TMEM39B: variants seen among roughly 807,000 people sequenced by gnomAD.
TMEM39B encodes transmembrane protein 39B.
TMEM39B carries 23 observed loss-of-function variants against 52.2 expected under a neutral mutation model. The observed-to-expected ratio is 0.44, with a 90% CI of 0.32 to 0.62. The LOEUF is 0.62. Among genes scored for constraint, TMEM39B ranks in the 20% least tolerant of loss-of-function variants. The pLI is 0.06. For missense variants in TMEM39B, 547 were observed against 642.0 expected (o/e 0.85, Z 1.60); for synonymous variants, 285 against 264.0 (o/e 1.08, Z -0.77).
chr1:32,098,865 C>T (rs1201899746), intron 7 of TMEM39B, among the ~76,000 whole-genome samples: 1 of 152,234 alleles, frequency 6.6e-6, no homozygotes, highest in Non-Finnish European at 1.5e-5. Flanking sequence ...CTCAAGGGCT[C>T]TCAGCCTAGT....
At chr1:32,078,416 G>A (rs769237733) in intron 5 of TMEM39B, among the ~76,000 whole-genome samples, 14 of 152,032 alleles carry the variant, frequency 9.2e-5, no homozygotes, top group Non-Finnish European at 1.6e-4. Flanking sequence ...TCAGGAGGTC[G>A]AGGCTGCAGT....
rs952951390 is a variant in TMEM39B at position 32,102,743 on chromosome 1, A to G, written c.*70A>G. The G allele has an allele frequency of 7.1e-7, 1 of 1,402,226 alleles. No homozygotes were observed. Among genetic ancestry groups the G allele is most frequent in the Non-Finnish European group, 9.3e-7 (1 of 1,071,054 alleles). 86.9% of individuals were successfully genotyped at this position (1,402,226 alleles called of 1,614,324 possible). A position where few individuals can be genotyped will look rare whatever the true frequency, so the allele number is the denominator to read the frequency against. ...GCTCCCTGGCAAGGGGCTGTTGGGT[A>G]GAAGTGGTGGTGGGGGGGACAAAAG... On this transcript the variant is annotated 3_prime_UTR_variant, in exon 9 of 9. Coordinates refer to ENST00000336294, the MANE Select transcript of TMEM39B (RefSeq NM_018056.4).
At position 32,076,814 on chromosome 1, in the gene TMEM39B, G is replaced by T. The variant is rs756590301; in HGVS notation, c.403G>T (p.Gly135Cys). ...GCTGATGGTGACCACCATCGTTCTG[G>T]GCCGCCGCTTCATTGGGTCCATCGT... ...NLLMVTTIVL[G>C]RRFIGSIVKE... Residue 135 changes from glycine to cysteine, a missense_variant, in exon 4 of 9, where the codon GGC (glycine) becomes TGC (cysteine). Transcript: ENST00000336294. 2 of 1,613,866 alleles carry T rather than the reference G, an allele frequency of 1.2e-6. No individual in the cohort carries two copies. The highest frequency in any genetic ancestry group is 2.2e-5 in the South Asian group (2 of 91,068).
chr1:32,089,610 A>G (rs1640519552), intron 5 of TMEM39B, among the ~76,000 whole-genome samples: 2 of 151,458 alleles, frequency 1.3e-5, no homozygotes, highest in South Asian at 4.2e-4. Context: ...GGACACTCAG[A>G]TATTTCTTCT....
chr1:32,100,097 C>G (rs762745691), intron 7 of TMEM39B, among the ~76,000 whole-genome samples: 3 of 151,748 alleles, frequency 2.0e-5, no homozygotes, highest in Non-Finnish European at 2.9e-5. Context: ...TCAGGCTGAG[C>G]TTAGTATTTT....
upstream of TMEM39B, chr1:32,072,542 A>C (rs868154970): frequency 7.0e-5 from 11 of 156,708 alleles, no homozygotes; most frequent in Middle Eastern, 3.2e-3. Context: ...GGAGGGAGGA[A>C]ATGACTCCTG....
intron 7 of TMEM39B, 116 bp downstream of exon 7, chr1:32,095,087 G>T: frequency 7.9e-7 from 1 of 1,262,556 alleles, no homozygotes. Flanking sequence ...AGCGTGTCTT[G>T]TATATTATTA....
chr1:32,093,220 T>C (rs902405400), intron 6 of TMEM39B, among the ~76,000 whole-genome samples: 3 of 151,700 alleles, frequency 2.0e-5, no homozygotes, highest in African/African-American at 7.3e-5. Flanking sequence ...TGCCTCAGCC[T>C]CCCAAGTAGC....
chr1:32,087,513 C>G (rs1367756535), intron 5 of TMEM39B: 2 of 144,856 alleles, frequency 1.4e-5, no homozygotes, highest in African/African-American at 2.6e-5. Context: ...ATCCCAGCTA[C>G]TAGGGAGGCT....
intron 5 of TMEM39B, among the ~76,000 whole-genome samples, chr1:32,077,541 A>C (rs998918877): frequency 1.3e-5 from 2 of 152,040 alleles, no homozygotes; most frequent in Non-Finnish European, 2.9e-5. Flanking sequence ...ACTATGGGGG[A>C]GGTCAGAATG....
intron 5 of TMEM39B, among the ~76,000 whole-genome samples, chr1:32,083,998 C>G (rs1018764869): frequency 6.6e-6 from 1 of 152,088 alleles, no homozygotes; most frequent in African/African-American, 2.4e-5. Context: ...CACACAGACA[C>G]ACACACACAC....
Position 32,074,997 on chromosome 1 carries a change from C to CTT in TMEM39B, c.52_53insTT (p.Cys18PhefsTer20). 1 of 1,551,596 alleles carries CTT rather than the reference C, an allele frequency of 6.4e-7. No individual in the cohort carries two copies. The highest frequency in any genetic ancestry group is 8.7e-7 in the Non-Finnish European group (1 of 1,146,954). The stretch of plus-strand genomic sequence containing the variant: ...GGACATCTTACTGTCGAAATCCGCT[C>CTT]TGTGAGCCGGGATCCTCGGGGGGCT... On this transcript the variant is annotated frameshift_variant, in exon 2 of 9. Transcript: ENST00000336294. LOFTEE classifies it high-confidence loss of function.
At chr1:32,074,517 C>G (rs1328626594) in intron 1 of TMEM39B, among the ~76,000 whole-genome samples, 2 of 152,086 alleles carry the variant, frequency 1.3e-5, no homozygotes, top group African/African-American at 4.8e-5. Flanking sequence ...ATTGACCTTT[C>G]ATTGTAATAG....
intron 6 of TMEM39B, among the ~76,000 whole-genome samples, chr1:32,093,775 C>T (rs950980233): frequency 6.6e-5 from 10 of 151,262 alleles, no homozygotes; most frequent in Non-Finnish European, 1.3e-4. Flanking sequence ...ATCCTCCTAG[C>T]GCCTCTTGGA....
At chr1:32,092,970 A>G (rs1640665930) in intron 6 of TMEM39B, among the ~76,000 whole-genome samples, 1 of 152,184 alleles carries the variant, frequency 6.6e-6, no homozygotes, top group Non-Finnish European at 1.5e-5. Flanking sequence ...TGGTTTTATC[A>G]TTTAGTAAGG....
At chr1:32,075,195 G>A in intron 2 of TMEM39B, 118 bp downstream of exon 2, 1 of 1,381,004 alleles carries the variant, frequency 7.2e-7, no homozygotes, top group Non-Finnish European at 9.6e-7. Context: ...GCTTAGAGGG[G>A]AGTAAGCAGC....
At chr1:32,086,458 C>T (rs888183379) in intron 5 of TMEM39B, among the ~76,000 whole-genome samples, 3 of 152,136 alleles carry the variant, frequency 2.0e-5, no homozygotes, top group Non-Finnish European at 4.4e-5. Context: ...ATTCTGAACC[C>T]TTAGTACACA....
chr1:32,087,718 C>T (rs1464430179), intron 5 of TMEM39B: 1 of 141,908 alleles, frequency 7.0e-6, no homozygotes, highest in African/African-American at 2.6e-5. Context: ...GGCACAATCT[C>T]TGCTCACTGC....
In TMEM39B at chr1:32,077,233, A is replaced by T; in HGVS notation, c.505A>T (p.Thr169Ser). Reference protein sequence around the residue: ...LLFLTRFTVLTATGWSLCRSL... With the variant: ...LLFLTRFTVLSATGWSLCRSL... The stretch of plus-strand genomic sequence containing the variant: ...GTTCCTCACTCGCTTCACCGTTCTC[A>T]CGGCAACAGGCTGGAGTCTGTGCCG... The change falls in exon 5 of 9, where the codon ACG (threonine) becomes TCG (serine). Residue 169 changes from threonine to serine, a missense_variant. Transcript: ENST00000336294. The T allele has an allele frequency of 6.2e-7, 1 of 1,613,968 alleles. No homozygotes were observed. The highest frequency in any genetic ancestry group is 2.2e-5 in the East Asian group (1 of 44,856).
Sources: gnomAD v4.1 joint callset for allele counts (sites outside exome capture counted in the v4.1 genomes callset) on GRCh38, gnomAD v4.1.1 for gene constraint, MANE v1.5 for transcripts, NCBI Gene and HGNC (gene_info 2026-07-23, HGNC 2026-07-21) for gene names.